Variants in GRIK5 observed in about 807,000 individuals in gnomAD.
GRIK5 encodes glutamate receptor ionotropic, kainate 5.
Under a neutral mutation model 97.4 loss-of-function variants are expected in GRIK5, and 43 were observed. The ratio of observed to expected loss-of-function variants is 0.44; its 90% CI spans 0.35 to 0.57. The LOEUF (loss-of-function observed/expected upper bound fraction) is 0.57, where lower values mean the gene tolerates loss of function less well. Among genes scored for constraint, GRIK5 ranks in the 20% least tolerant of loss-of-function variants. GRIK5 has a pLI of 0.01. For synonymous variants in GRIK5, 580 were observed against 583.5 expected (o/e 0.99, Z 0.09); for missense variants, 1,015 against 1,382.0 (o/e 0.73, Z 4.21).
intron 5 of GRIK5, among the ~76,000 whole-genome samples, chr19:42,061,037 C>A (rs560367797): frequency 3.3e-5 from 5 of 152,074 alleles, no homozygotes; most frequent in African/African-American, 1.2e-4. Flanking sequence ...TTAATAAATA[C>A]CTTTATTTAT....
chr19:42,010,543 C>A (rs1555873751), intron 15 of GRIK5, among the ~76,000 whole-genome samples: 1 of 152,204 alleles, frequency 6.6e-6, no homozygotes, highest in Non-Finnish European at 1.5e-5. Flanking sequence ...TCAAAACAAA[C>A]TGTCAACCTA....
At position 42,006,817 on chromosome 19, in the gene GRIK5, G is replaced by A. The variant is rs1555872830; in HGVS notation, c.1872-7C>T. 18 of 1,585,402 alleles carry A rather than the reference G, an allele frequency of 1.1e-5. No individual in the cohort carries two copies. The highest frequency in any genetic ancestry group is 1.5e-5 in the Non-Finnish European group (17 of 1,164,172). On this transcript the variant is annotated splice_region_variant and splice_polypyrimidine_tract_variant and intron_variant, in intron 15 of 19. Coordinates refer to ENST00000593562, the MANE Select transcript of GRIK5 (RefSeq NM_002088.5). This position sits in a 1 kb window ranked among gnomAD's most constrained non-coding sequence, Gnocchi z 5.3. Reference sequence around the variant, plus strand: ...GATCAAGGTGAAGGCCCACCTGAAGGGTGGGAGGGGTGAGTCACGGGCTGG... The same window carrying A: ...GATCAAGGTGAAGGCCCACCTGAAGAGTGGGAGGGGTGAGTCACGGGCTGG...
intron 12 of GRIK5, among the ~76,000 whole-genome samples, chr19:42,023,288 A>T (rs1194327734): frequency 6.6e-6 from 1 of 152,118 alleles, no homozygotes; most frequent in Non-Finnish European, 1.5e-5. Context: ...CTGAAGCATC[A>T]TCCAGAGGCG....
In GRIK5 at chr19:41,998,847, G is replaced by C; in HGVS notation, c.*24C>G. The C allele has an allele frequency of 1.8e-6, 2 of 1,108,872 alleles. No homozygotes were observed. The highest frequency in any genetic ancestry group is 2.2e-6 in the Non-Finnish European group (2 of 906,484). The allele number at this position is 1,108,872 out of a possible 1,614,324, so 68.7% of individuals were successfully genotyped here. A position where few individuals can be genotyped will look rare whatever the true frequency, so the allele number is the denominator to read the frequency against. On this transcript the variant is annotated 3_prime_UTR_variant, in exon 20 of 20. Transcript: ENST00000593562. ...GGCCCCGTCCCTTCGGTCAGTCCGGGCGCCCGCACAGCCCCGCCCGTGGTC... is the reference window on the plus strand; with the variant it reads ...GGCCCCGTCCCTTCGGTCAGTCCGGCCGCCCGCACAGCCCCGCCCGTGGTC...
At chr19:42,056,582 T>C in intron 8 of GRIK5, 80 bp downstream of exon 8, 2 of 1,247,560 alleles carry the variant, frequency 1.6e-6, no homozygotes, top group Non-Finnish European at 2.3e-6. Context: ...CTGAGCATGA[T>C]CTGAGTGAGG....
rs957765028 is a variant in GRIK5, at chr19:42,070,166, G to A, written c.-976C>T. ...AGTCTCCCCTCCGAGGCCGCCGCCT[G>A]CCTGCCCGCCTGCCGCCTGCGCTGG... On this transcript the variant is annotated 5_prime_UTR_variant, in exon 1 of 20. Transcript: ENST00000593562. Among the ~76,000 whole-genome samples the A allele has an allele frequency of 2.0e-5, 3 of 152,084 alleles. No individual in the cohort carries two copies. The highest frequency in any genetic ancestry group is 2.0e-4 in the Admixed American group (3 of 15,284).
chr19:42,005,255 A>AC (rs1293867539), intron 17 of GRIK5, among the ~76,000 whole-genome samples: 10 of 151,270 alleles, frequency 6.6e-5, no homozygotes, highest in Non-Finnish European at 1.5e-4. Context: ...AAAAAAAAAA[A>AC]AACAAAACAC....
chr19:42,006,889 G>T lies in GRIK5; in HGVS notation c.1872-79C>A. Reference sequence around the variant, plus strand: ...CCCGTGGCCATGCCCCCCATTGGTGGTGCCCCTCCCAAGTGACCCCAGCAT... The same window carrying T: ...CCCGTGGCCATGCCCCCCATTGGTGTTGCCCCTCCCAAGTGACCCCAGCAT... On this transcript the variant is annotated intron_variant, in intron 15 of 19. Coordinates refer to ENST00000593562, the MANE Select transcript of GRIK5 (RefSeq NM_002088.5). The surrounding 1 kb of genome is among the most constrained non-coding windows in gnomAD (Gnocchi z 5.3). The T allele has an allele frequency of 9.3e-7, 1 of 1,079,694 alleles. No individual in the cohort carries two copies. The highest frequency in any genetic ancestry group is 1.3e-6 in the Non-Finnish European group (1 of 761,234). The allele number at this position is 1,079,694 out of a possible 1,614,324, so 66.9% of individuals were successfully genotyped here. A position where few individuals can be genotyped will look rare whatever the true frequency, so the allele number is the denominator to read the frequency against.
At chr19:42,052,759 G>C (rs544156162) in intron 11 of GRIK5, among the ~76,000 whole-genome samples, 2 of 151,814 alleles carry the variant, frequency 1.3e-5, no homozygotes, top group South Asian at 4.2e-4. Flanking sequence ...TGCTCGCCAG[G>C]CCCTGTGGAT....
chr19:42,048,615 G>A (rs148281636), intron 11 of GRIK5, among the ~76,000 whole-genome samples: 1 of 150,234 alleles, frequency 6.7e-6, no homozygotes, highest in Non-Finnish European at 1.5e-5. Flanking sequence ...GCAAGATTCT[G>A]TCTCAAAATA....
chr19:42,008,030 G>A (rs1205617700), intron 15 of GRIK5, among the ~76,000 whole-genome samples: 2 of 151,798 alleles, frequency 1.3e-5, no homozygotes, highest in Non-Finnish European at 2.9e-5. Flanking sequence ...TGTCTGTTAT[G>A]TAATTTTTTT....
chr19:42,032,623 TATA>T (rs2075853299), intron 12 of GRIK5, among the ~76,000 whole-genome samples: 1 of 152,146 alleles, frequency 6.6e-6, no homozygotes, highest in African/African-American at 2.4e-5. Flanking sequence ...ATGGAATCCT[TATA>T]TCCTCACTTG....
chr19:42,022,116 C>T lies in GRIK5; in HGVS notation c.1588-60G>A. On this transcript the variant is annotated intron_variant, in intron 13 of 19. Transcript: ENST00000593562. This position sits in a 1 kb window ranked among gnomAD's most constrained non-coding sequence, Gnocchi z 4.2. The stretch of plus-strand genomic sequence containing the variant: ...CTGGCCTGAGCCTCACACCCAGCCC[C>T]TGCCCTACCAGGGACCTGGGAGCCT... 1.4e-6 allele frequency: 2 copies of T among 1,436,970 alleles called. No individual in the cohort carries two copies. Among genetic ancestry groups the T allele is most frequent in the South Asian group, 2.4e-5 (2 of 85,020 alleles). 89.0% of individuals were successfully genotyped at this position (1,436,970 alleles called of 1,614,324 possible).
In GRIK5 at chr19:42,021,357, C is replaced by A; in HGVS notation, c.1815G>T (p.Gln605His). The A allele has an allele frequency of 1.2e-6, 2 of 1,613,658 alleles. No individual in the cohort carries two copies. Among genetic ancestry groups the A allele is most frequent in the Non-Finnish European group, 1.7e-6 (2 of 1,179,894 alleles). Reference protein sequence around the residue: ...SLWFPVGGFMQQGSEIMPRAL... With the variant: ...SLWFPVGGFMHQGSEIMPRAL... ...CCCGGGGCATGATCTCCGAGCCCTG[C>A]TGCATGAAGCCCCCCACGGGAAACC... is the stretch of plus-strand genomic sequence containing the variant. Residue 605 changes from glutamine to histidine, a missense_variant, in exon 15 of 20, where the codon CAG (glutamine) becomes CAT (histidine). Coordinates refer to ENST00000593562, the MANE Select transcript of GRIK5 (RefSeq NM_002088.5). The surrounding 1 kb of genome is among the most constrained non-coding windows in gnomAD (Gnocchi z 4.2).
In GRIK5 at chr19:42,006,065, A is replaced by G. The variant is rs1379106844; in HGVS notation, c.2038-117T>C. The stretch of plus-strand genomic sequence containing the variant: ...AACCCAGGAGAATGCAAGGTGATCA[A>G]AGGAAGACAGAGCCAAAGGTAGAGG... On this transcript the variant is annotated intron_variant, in intron 16 of 19. Coordinates refer to ENST00000593562, the MANE Select transcript of GRIK5 (RefSeq NM_002088.5). The surrounding 1 kb of genome is among the most constrained non-coding windows in gnomAD (Gnocchi z 5.3). 1 of 664,178 alleles carries G rather than the reference A, an allele frequency of 1.5e-6. No individual in the cohort carries two copies. Among genetic ancestry groups the G allele is most frequent in the African/African-American group, 1.8e-5 (1 of 56,420 alleles). 41.1% of individuals were successfully genotyped at this position (664,178 alleles called of 1,614,324 possible). A position where few individuals can be genotyped will look rare whatever the true frequency, so the allele number is the denominator to read the frequency against.
rs2075442753 is a variant in GRIK5 at position 42,003,101 on chromosome 19, T to C, written c.2514+231A>G. ...GGCTCCCCACATCCTGTCCCTCACC[T>C]CCTCTCCCTGCATCCTCATTGCTCC... On this transcript the variant is annotated intron_variant, in intron 19 of 19. Coordinates refer to ENST00000593562, the MANE Select transcript of GRIK5 (RefSeq NM_002088.5). This position sits in a 1 kb window ranked among gnomAD's most constrained non-coding sequence, Gnocchi z 4.2. Among the ~76,000 whole-genome samples the C allele has an allele frequency of 6.6e-6, 1 of 151,908 alleles. No individual in the cohort carries two copies. Among genetic ancestry groups the C allele is most frequent in the African/African-American group, 2.4e-5 (1 of 41,320 alleles).
At chr19:42,025,424 C>A (rs1242442770) in intron 12 of GRIK5, among the ~76,000 whole-genome samples, 1 of 152,072 alleles carries the variant, frequency 6.6e-6, no homozygotes, top group Non-Finnish European at 1.5e-5. Context: ...GTGACTCCTC[C>A]CTGGATCCCA....
At chr19:42,012,503 G>A (rs928496896) in intron 15 of GRIK5, among the ~76,000 whole-genome samples, 2 of 152,064 alleles carry the variant, frequency 1.3e-5, no homozygotes, top group African/African-American at 2.4e-5. Context: ...CGCCCGCATC[G>A]GCCTCCCAAA....
At chr19:42,041,728 C>T (rs1054579585) in intron 12 of GRIK5, among the ~76,000 whole-genome samples, 2 of 152,160 alleles carry the variant, frequency 1.3e-5, no homozygotes, top group Admixed American at 6.5e-5. Flanking sequence ...CTAGTATCGC[C>T]CCATCTTTGT....
Sources: gnomAD v4.1 joint callset for allele counts (sites outside exome capture counted in the v4.1 genomes callset) on GRCh38, gnomAD v4.1.1 for gene constraint, Gnocchi (gnomAD v3.1) non-coding constraint, MANE v1.5 for transcripts, NCBI Gene and HGNC (gene_info 2026-07-23, HGNC 2026-07-21) for gene names.